The following SYT4 variants were observed in gnomAD, a reference collection of about 807,000 sequenced individuals.
SYT4 encodes synaptotagmin-4.
A neutral mutation model predicts 32.9 loss-of-function variants in SYT4; 7 were observed. That is an observed-to-expected ratio of 0.21 (90% CI 0.12 to 0.40). The LOEUF is 0.40. Among genes scored for constraint, SYT4 ranks in the 10% least tolerant of loss-of-function variants. SYT4 has a pLI of 1.00. For synonymous variants in SYT4, 205 were observed against 186.2 expected (o/e 1.10, Z -0.82); for missense variants, 480 against 488.0 (o/e 0.98, Z 0.16).
intron 3 of SYT4, among the ~76,000 whole-genome samples, chr18:43,270,940 G>C (rs1052086185): frequency 1.3e-5 from 2 of 152,026 alleles, no homozygotes; most frequent in Non-Finnish European, 2.9e-5. Context: ...ATGTTCTATG[G>C]ACCCATTCTG....
intron 1 of SYT4, among the ~76,000 whole-genome samples, chr18:43,275,058 A>T (rs1908751742): frequency 6.6e-6 from 1 of 152,058 alleles, no homozygotes; most frequent in Admixed American, 6.6e-5. Context: ...TGACAATCCC[A>T]AATTTCTCAG....
intron 1 of SYT4, among the ~76,000 whole-genome samples, chr18:43,276,044 G>C (rs1288618790): frequency 6.6e-6 from 1 of 152,132 alleles, no homozygotes; most frequent in Non-Finnish European, 1.5e-5. Flanking sequence ...GTCCATGCTA[G>C]AACATATTTT....
rs1908502138 is a variant in SYT4 at position 43,267,941 on chromosome 18, A to G, written c.*2400T>C. The G allele has an allele frequency of 1.3e-5, 2 of 152,202 alleles. No homozygotes were observed. Among genetic ancestry groups the G allele is most frequent in the East Asian group, 3.8e-4 (2 of 5,196 alleles). The allele number at this position is 152,202 out of a possible 1,614,324, so 9.4% of individuals were successfully genotyped here. A position where few individuals can be genotyped will look rare whatever the true frequency, so the allele number is the denominator to read the frequency against. On this transcript the variant is annotated 3_prime_UTR_variant, in exon 4 of 4. Transcript: ENST00000255224. ...ATGTCTTACAAACATGGTCTTACAA[A>G]CATCATACAGAGCTGGCACAAAAGA...
In SYT4 at chr18:43,277,286, T is replaced by TA. The variant is rs1568121954; in HGVS notation, c.-6dup. The stretch of plus-strand genomic sequence containing the variant: ...GCTGGTGGTGATCGGAGCCATTTTT[T>TA]ACTGCGTGTTCTGTCCGAGGTGCTG... On this transcript the variant is annotated 5_prime_UTR_variant, in exon 1 of 4. Coordinates refer to ENST00000255224, the MANE Select transcript of SYT4 (RefSeq NM_020783.4). 14 of 1,613,958 alleles carry TA rather than the reference T, an allele frequency of 8.7e-6. No individual in the cohort carries two copies. The highest frequency in any genetic ancestry group is 4.5e-5 in the East Asian group (2 of 44,854).
intron 3 of SYT4, 133 bp downstream of exon 3, chr18:43,271,579 C>G: frequency 8.2e-7 from 1 of 1,226,690 alleles, no homozygotes; most frequent in Non-Finnish European, 1.1e-6. Context: ...AGTCATAAAA[C>G]TAAAAGCTAA....
chr18:43,274,463 C>T (rs1439338903), intron 1 of SYT4, 69 bp from the exon 2 acceptor site: 1 of 1,259,612 alleles, frequency 7.9e-7, no homozygotes, highest in African/African-American at 1.5e-5. Context: ...TTTTGAAAAG[C>T]CTAATAGAGC....
chr18:43,273,557 T>G (rs1396380016), intron 2 of SYT4, 23 bp downstream of exon 2: 1 of 1,528,118 alleles, frequency 6.5e-7, no homozygotes, highest in Admixed American at 1.9e-5. Flanking sequence ...TTATAAATAC[T>G]TTAAGCACTG....
chr18:43,271,915 G>T, intron 2 of SYT4, 83 bp from the exon 3 acceptor site: 1 of 1,356,336 alleles, frequency 7.4e-7, no homozygotes, highest in Non-Finnish European at 1.0e-6. Flanking sequence ...AAATAACATC[G>T]TCATTTAAAT....
In SYT4 at chr18:43,273,789, T is replaced by A. The variant is rs1335418770; in HGVS notation, c.640A>T (p.Thr214Ser). Residue 214 changes from threonine to serine, a missense_variant, in exon 2 of 4, where the codon ACC (threonine) becomes TCC (serine). Physicochemically the swap from Thr to Ser is moderately conservative, Grantham distance 58. Coordinates refer to ENST00000255224, the MANE Select transcript of SYT4 (RefSeq NM_020783.4). The part of the protein sequence containing the change: ...HKVKTRVLRK[T>S]LDPAFDETFT... ...GTCTCATCAAAAGCTGGATCCAAGG[T>A]TTTTCTCAGCACTCTAGTTTTCACT... 1 of 1,613,862 alleles carries A rather than the reference T, an allele frequency of 6.2e-7. No individual in the cohort carries two copies. Among genetic ancestry groups the A allele is most frequent in the East Asian group, 2.2e-5 (1 of 44,856 alleles).
At chr18:43,276,668 C>G (rs1482743971) in intron 1 of SYT4, among the ~76,000 whole-genome samples, 3 of 152,120 alleles carry the variant, frequency 2.0e-5, no homozygotes, top group Non-Finnish European at 4.4e-5. Context: ...ATGGGCTGAG[C>G]CAGTTCATTT....
At chr18:43,274,548 A>C (rs1908734614) in intron 1 of SYT4, among the ~76,000 whole-genome samples, 154 bp from the exon 2 acceptor site, 1 of 152,190 alleles carries the variant, frequency 6.6e-6, no homozygotes, top group East Asian at 1.9e-4. Context: ...TATATTTCAC[A>C]CTAACTTCGG....
At position 43,277,312 on chromosome 18, in the gene SYT4, A is replaced by G. The variant is rs765937407; in HGVS notation, c.-31T>C. 1.5e-5 allele frequency: 25 copies of G among 1,613,840 alleles called. No individual in the cohort carries two copies. In the South Asian group the frequency reaches 2.7e-4, roughly 18 times the overall value. On this transcript the variant is annotated 5_prime_UTR_variant, in exon 1 of 4. Coordinates refer to ENST00000255224, the MANE Select transcript of SYT4 (RefSeq NM_020783.4). ...ACTGCGTGTTCTGTCCGAGGTGCTGAAGGGAAAACTGCCTGGCTGGATTCA... is the reference window on the plus strand; with the variant it reads ...ACTGCGTGTTCTGTCCGAGGTGCTGGAGGGAAAACTGCCTGGCTGGATTCA...
In SYT4 at chr18:43,274,018, C is replaced by T. The variant is rs1346434260; in HGVS notation, c.411G>A (p.Glu137=). 8 of 1,613,814 alleles carry T rather than the reference C, an allele frequency of 5.0e-6. No homozygotes were observed. Among genetic ancestry groups the T allele is most frequent in the Non-Finnish European group, 5.9e-6 (7 of 1,179,948 alleles). ...LEGEKESVSP[E]SLKSSTSLTS... ...TAAGGGAAGTGCTGGACTTTAAACT[C>T]TCAGGGGAAACTGACTCTTTTTCCC... The change falls in exon 2 of 4, where the codon GAG becomes GAA. Residue 137 remains glutamate, a synonymous_variant. Transcript: ENST00000255224.
chr18:43,276,084 T>C (rs891256883), intron 1 of SYT4, among the ~76,000 whole-genome samples: 3 of 152,186 alleles, frequency 2.0e-5, no homozygotes, highest in Admixed American at 1.3e-4. Context: ...AATTCCTCCA[T>C]ATTAGAAAAT....
intron 2 of SYT4, 27 bp from the exon 3 acceptor site, chr18:43,271,859 T>G (rs1388407058): frequency 6.2e-7 from 1 of 1,600,950 alleles, no homozygotes; most frequent in Non-Finnish European, 8.5e-7. Flanking sequence ...GTGATATAAG[T>G]ATTTCTATCT....
intron 1 of SYT4, among the ~76,000 whole-genome samples, 183 bp downstream of exon 1, chr18:43,277,065 C>A (rs900770286): frequency 6.6e-6 from 1 of 152,096 alleles, no homozygotes; most frequent in African/African-American, 2.4e-5. Flanking sequence ...GAGAGAGATA[C>A]CAAGGAAGGG....
intron 2 of SYT4, 45 bp from the exon 3 acceptor site, chr18:43,271,877 T>A (rs1210868608): frequency 7.0e-6 from 11 of 1,579,400 alleles, no homozygotes; most frequent in African/African-American, 1.4e-5. Flanking sequence ...TCTTTTTAAC[T>A]TTGAAGTGTG....
intron 1 of SYT4, 157 bp downstream of exon 1, chr18:43,277,091 A>G: frequency 1.2e-6 from 1 of 843,192 alleles, no homozygotes; most frequent in Non-Finnish European, 1.8e-6. Context: ...AGCTGCAGAA[A>G]TAAGCCACAA....
chr18:43,272,715 T>C (rs2065877046), intron 2 of SYT4, among the ~76,000 whole-genome samples: 1 of 152,130 alleles, frequency 6.6e-6, no homozygotes, highest in Non-Finnish European at 1.5e-5. Flanking sequence ...AGAAAGATCC[T>C]TATTCCCACT....
Sources: gnomAD v4.1 joint callset for allele counts (sites outside exome capture counted in the v4.1 genomes callset) on GRCh38, gnomAD v4.1.1 for gene constraint, MANE v1.5 for transcripts, NCBI Gene and HGNC (gene_info 2026-07-23, HGNC 2026-07-21) for gene names.